Variants in HERC3 observed in about 807,000 individuals in gnomAD.
HERC3 encodes HECT and RLD domain containing E3 ubiquitin protein ligase 3.
HERC3 carries 58 observed loss-of-function variants against 129.9 expected under a neutral mutation model. The observed-to-expected ratio is 0.45, with a 90% confidence interval of 0.36 to 0.56. HERC3 has a LOEUF of 0.56. Ranked by LOEUF, HERC3 falls within the 20% of genes least tolerant of loss-of-function variation. HERC3 has a pLI of 0.00. For missense variants in HERC3, 835 were observed against 1,244.2 expected, an observed-to-expected ratio of 0.67 and a Z score of 4.95; for synonymous variants, 430 against 451.0, an observed-to-expected ratio of 0.95 and a Z score of 0.59.
chr4:88,650,358 A>G (rs1406790674), intron 4 of HERC3, among the ~76,000 whole-genome samples: 1 of 152,234 alleles, frequency 6.6e-6, no homozygotes, highest in Non-Finnish European at 1.5e-5. Flanking sequence ...AGTACTTTAA[A>G]ATAGAATCAC....
At chr4:88,529,390 G>A in the HERC3 span, among the ~76,000 whole-genome samples, 3 of 152,170 alleles carry the variant, frequency 2.0e-5, no homozygotes, top group Admixed American at 6.5e-5. Flanking sequence ...CTAGGAGTTC[G>A]AGGTTACAGT....
the HERC3 span, among the ~76,000 whole-genome samples, chr4:88,559,960 A>AATTTTTTTTTTTTTTTTTTTTTT: frequency 8.4e-6 from 1 of 119,554 alleles, no homozygotes. Flanking sequence ...GTTATTTTTG[A>AATTTTTTTTTTTTTTTTTTTTTT]TTTTTTTTTT....
At chr4:88,672,491 GTTTAA>G (rs1297655890) in intron 16 of HERC3, among the ~76,000 whole-genome samples, 2 of 152,082 alleles carry the variant, frequency 1.3e-5, no homozygotes, top group African/African-American at 4.8e-5. Context: ...ATATTTTGAA[GTTTAA>G]TTTAAAATAC....
At chr4:88,624,032 C>T (rs1386580195) in intron 3 of HERC3, among the ~76,000 whole-genome samples, 1 of 152,158 alleles carries the variant, frequency 6.6e-6, no homozygotes, top group Non-Finnish European at 1.5e-5. Context: ...TAAATGGAAT[C>T]ACATATTATG....
At chr4:88,559,584 A>C in the HERC3 span, among the ~76,000 whole-genome samples, 31 of 152,330 alleles carry the variant, frequency 2.0e-4, 2 homozygotes, top group Non-Finnish European at 3.8e-4. Context: ...GCATAAGTCC[A>C]GTCTCATCCA....
chr4:88,660,796 T>C (rs889639748), intron 10 of HERC3, among the ~76,000 whole-genome samples: 4 of 152,164 alleles, frequency 2.6e-5, no homozygotes, highest in Admixed American at 2.6e-4. Context: ...TAACCTTGGC[T>C]GCCTACTGGA....
chr4:88,660,952 A>G (rs980308371), intron 10 of HERC3, among the ~76,000 whole-genome samples: 3 of 152,038 alleles, frequency 2.0e-5, no homozygotes, highest in Non-Finnish European at 4.4e-5. Context: ...CCTAAGAGCA[A>G]TTTTTCCTTT....
intron 18 of HERC3, 43 bp from the exon 19 acceptor site, chr4:88,677,921 A>G (rs764731668): frequency 2.4e-5 from 38 of 1,584,196 alleles, no homozygotes; most frequent in Admixed American, 5.0e-5. Flanking sequence ...CCCAACTCAC[A>G]CGTGTGCTCT....
intron 2 of HERC3, among the ~76,000 whole-genome samples, chr4:88,604,891 C>A (rs923174702): frequency 1.3e-5 from 2 of 152,196 alleles, no homozygotes; most frequent in Non-Finnish European, 2.9e-5. Context: ...TTATCACCAA[C>A]ACTTGTTGTT....
chr4:88,635,638 G>C (rs1727295339), intron 3 of HERC3, among the ~76,000 whole-genome samples: 1 of 152,020 alleles, frequency 6.6e-6, no homozygotes, highest in Non-Finnish European at 1.5e-5. Flanking sequence ...ATTCAAATTA[G>C]GAAATACAGA....
chr4:88,544,192 A>G, the HERC3 span, among the ~76,000 whole-genome samples: 4 of 152,260 alleles, frequency 2.6e-5, no homozygotes, highest in African/African-American at 9.6e-5. Flanking sequence ...TCTAATATCC[A>G]GAATCTACAA....
At chr4:88,694,074 C>T (rs1391169241) in intron 23 of HERC3, among the ~76,000 whole-genome samples, 1 of 152,168 alleles carries the variant, frequency 6.6e-6, no homozygotes, top group Non-Finnish European at 1.5e-5. Flanking sequence ...GCCAACAATT[C>T]TCTAAGCTAG....
rs779137480 is a variant in HERC3, at chr4:88,669,967, G to T, written c.1741G>T (p.Val581Leu). ...GGGAAGAAAGACATTCTTAATTCCCGTACTGTTTAACAATTATATCACAGC... is the reference window on the plus strand; with the variant it reads ...GGGAAGAAAGACATTCTTAATTCCCTTACTGTTTAACAATTATATCACAGC... ...LRGRKTFLIP[V>L]LFNNYITAAL... Residue 581 changes from valine (V) to leucine (L), a missense_variant, in exon 15 of 26, where the codon GTA becomes TTA. Coordinates refer to ENST00000402738, the MANE Select transcript of HERC3 (RefSeq NM_014606.3). 1.2e-4 allele frequency: 195 copies of T among 1,613,576 alleles called. No homozygotes were observed. Among genetic ancestry groups the T allele is most frequent in the Non-Finnish European group, 1.6e-4 (193 of 1,179,724 alleles).
chr4:88,593,752 C>T (rs1322171347), intron 1 of HERC3, among the ~76,000 whole-genome samples: 2 of 152,096 alleles, frequency 1.3e-5, no homozygotes, highest in Non-Finnish European at 2.9e-5. Flanking sequence ...TAGATAAGAT[C>T]AAGTGAGCTG....
chr4:88,628,929 C>T (rs1399101480), intron 3 of HERC3, among the ~76,000 whole-genome samples: 1 of 152,046 alleles, frequency 6.6e-6, no homozygotes, highest in African/African-American at 2.4e-5. Context: ...AATCCCGGGA[C>T]TTGGGAGGCC....
At chr4:88,611,916 A>G (rs974244702) in intron 3 of HERC3, among the ~76,000 whole-genome samples, 1 of 152,230 alleles carries the variant, frequency 6.6e-6, no homozygotes, top group African/African-American at 2.4e-5. Context: ...CCTGGGAGCC[A>G]CATAATCTGA....
the HERC3 span, among the ~76,000 whole-genome samples, chr4:88,582,066 T>C: frequency 6.6e-6 from 1 of 152,178 alleles, no homozygotes. Flanking sequence ...TCTCAATGCA[T>C]ATTAGATTAA....
chr4:88,642,671 T>C (rs1728249553), intron 3 of HERC3, among the ~76,000 whole-genome samples: 1 of 152,220 alleles, frequency 6.6e-6, no homozygotes, highest in African/African-American at 2.4e-5. Context: ...TAGCCAGCCC[T>C]CTATGGTCTC....
At chr4:88,591,390 G>T (rs1474600698), upstream of HERC3, among the ~76,000 whole-genome samples, 1 of 152,128 alleles carries the variant, frequency 6.6e-6, no homozygotes, top group East Asian at 1.9e-4. Context: ...ACCACTCCTT[G>T]AAACTTTCTT....
Sources: allele counts gnomAD v4.1 joint callset (sites outside exome capture counted in the v4.1 genomes callset), GRCh38; gene constraint gnomAD v4.1.1; transcripts MANE v1.5; gene names NCBI Gene and HGNC (gene_info 2026-07-23, HGNC 2026-07-21).